Variants in PTPRB observed in about 807,000 individuals in gnomAD.
PTPRB encodes receptor-type tyrosine-protein phosphatase beta.
In PTPRB, 97 loss-of-function variants were observed where a neutral mutation model predicts 238.1. That is an observed-to-expected ratio of 0.41 (90% confidence interval 0.35 to 0.48). The LOEUF is 0.48. Among genes scored for constraint, PTPRB ranks in the 20% least tolerant of loss-of-function variants. The pLI, the probability that PTPRB is intolerant of heterozygous loss-of-function variation, is 0.30. For synonymous variants in PTPRB, 970 were observed against 995.4 expected (o/e 0.97, Z 0.48); for missense variants, 2,292 against 2,681.9 (o/e 0.85, Z 3.21).
chr12:70,549,819 A>G (rs564952913), intron 21 of PTPRB, among the ~76,000 whole-genome samples: 3 of 152,322 alleles, frequency 2.0e-5, no homozygotes, highest in Admixed American at 2.0e-4. Flanking sequence ...AAACATATAT[A>G]TTGGAGAAAT....
At chr12:70,559,160 T>G in intron 18 of PTPRB, 183 bp downstream of exon 18, 1 of 655,906 alleles carries the variant, frequency 1.5e-6, no homozygotes, top group Non-Finnish European at 2.6e-6. Flanking sequence ...AGAGAGAGAT[T>G]TATTGTCCCT....
intron 2 of PTPRB, among the ~76,000 whole-genome samples, chr12:70,633,470 C>G (rs117555829): frequency 6.6e-6 from 1 of 151,852 alleles, no homozygotes; most frequent in African/African-American, 2.4e-5. Flanking sequence ...AAAACAAAAA[C>G]AAAAAGAAAA....
chr12:70,566,242 CAG>C (rs1408578070), intron 15 of PTPRB, among the ~76,000 whole-genome samples, 191 bp downstream of exon 15: 1 of 152,076 alleles, frequency 6.6e-6, no homozygotes, highest in East Asian at 1.9e-4. Context: ...AAATCAGAAA[CAG>C]AGTGTGGTGG....
chr12:70,575,553 T>G (rs1461811011), intron 11 of PTPRB, among the ~76,000 whole-genome samples: 2 of 152,182 alleles, frequency 1.3e-5, no homozygotes, highest in African/African-American at 4.8e-5. Context: ...AAGTATTTAC[T>G]GAGTGCCTAC....
Position 70,563,082 on chromosome 12 carries a change from C to T in PTPRB, c.3930G>A (p.Arg1310=). ...RTVPAAVTDL[R]ITENSTRHLS... Reference sequence around the variant, plus strand: ...GGTGCCTGGTGGAGTTCTCTGTGATCCTCAGGTCGGTGACAGCTGCTGGGA... The same window carrying T: ...GGTGCCTGGTGGAGTTCTCTGTGATTCTCAGGTCGGTGACAGCTGCTGGGA... The change falls in exon 16 of 34, where the codon AGG becomes AGA. Residue 1310 remains arginine (R), a synonymous_variant. Coordinates refer to ENST00000334414, the MANE Select transcript of PTPRB (RefSeq NM_001109754.4). The T allele has an allele frequency of 6.2e-7, 1 of 1,613,280 alleles. No homozygotes were observed. Among genetic ancestry groups the T allele is most frequent in the African/African-American group, 1.3e-5 (1 of 74,986 alleles).
chr12:70,603,509 A>G lies in PTPRB; in HGVS notation c.979+5560T>C, dbSNP rs1883693919. Among the ~76,000 whole-genome samples the G allele has an allele frequency of 2.0e-5, 3 of 152,330 alleles. No individual in the cohort carries two copies. In the South Asian group the frequency reaches 6.2e-4, roughly 32 times the overall value. On this transcript the variant is annotated intron_variant, in intron 4 of 33. Transcript: ENST00000334414. The stretch of plus-strand genomic sequence containing the variant: ...AACTTAAAAATAATATACTTTTCGC[A>G]GAGTAGTGGAAAGAATACTGGAGTT...
chr12:70,539,237 GC>G (rs1312592766), intron 26 of PTPRB: 2 of 569,560 alleles, frequency 3.5e-6, no homozygotes, highest in Non-Finnish European at 6.2e-6. Context: ...TAACTGATGT[GC>G]CCCAGGTCAC....
intron 5 of PTPRB, among the ~76,000 whole-genome samples, chr12:70,595,273 G>A (rs748206421): frequency 1.6e-4 from 25 of 152,042 alleles, no homozygotes; most frequent in South Asian, 1.3e-3. Context: ...ACAGGGAGGG[G>A]AACATCACAC....
rs756418407 is a variant in PTPRB, at chr12:70,556,119, G to A, written c.4744C>T (p.Arg1582Trp). The change falls in exon 19 of 34, where the codon CGG becomes TGG. Residue 1582 changes from arginine (R) to tryptophan (W), a missense_variant. Physicochemically the swap from Arg to Trp is moderately radical, Grantham distance 101. This residue lies in a region of PTPRB where 683 missense variants were observed against 862.0 expected (regional missense o/e 0.79). Transcript: ENST00000334414. Reference sequence around the variant, plus strand: ...GCAATGGCCGTGGAGTTCTGAGGCCGGCAATGCAGGTTTTGTATCTTGTCA... The same window carrying A: ...GCAATGGCCGTGGAGTTCTGAGGCCAGCAATGCAGGTTTTGTATCTTGTCA... ...KPDKIQNLHC[R>W]PQNSTAIACS... The A allele has an allele frequency of 4.1e-5, 66 of 1,613,638 alleles. No individual in the cohort carries two copies. The East Asian group carries it at 8.0e-4, about 20-fold the overall frequency.
intron 13 of PTPRB, 108 bp downstream of exon 13, chr12:70,570,918 G>A (rs1592503959): frequency 2.5e-6 from 3 of 1,205,344 alleles, no homozygotes; most frequent in East Asian, 4.9e-5. Context: ...GTCCCTTCTT[G>A]CTGTCTCCCT....
In PTPRB at chr12:70,562,853, C is replaced by T. The variant is rs371733781; in HGVS notation, c.4159G>A (p.Gly1387Ser). 1.2e-6 allele frequency: 2 copies of T among 1,613,706 alleles called. No individual in the cohort carries two copies. The highest frequency in any genetic ancestry group is 2.7e-5 in the African/African-American group (2 of 74,904). ...GELSNESFIF[G>S]RTVPASVSHL... ...TGGGTCTTGGTCTTACCTGTTCTACCAAATATGAAAGACTCATTAGACAGC... is the reference window on the plus strand; with the variant it reads ...TGGGTCTTGGTCTTACCTGTTCTACTAAATATGAAAGACTCATTAGACAGC... The change falls in exon 16 of 34, where the codon GGT becomes AGT. Residue 1387 changes from glycine to serine, a missense_variant. Transcript: ENST00000334414.
intron 4 of PTPRB, among the ~76,000 whole-genome samples, chr12:70,607,033 T>G (rs996225714): frequency 6.6e-6 from 1 of 152,228 alleles, no homozygotes; most frequent in Non-Finnish European, 1.5e-5. Context: ...TGGATGCTGA[T>G]GAAGTCTTGT....
chr12:70,540,078 T>TA, intron 23 of PTPRB, 56 bp from the exon 24 acceptor site: 2 of 1,444,748 alleles, frequency 1.4e-6, no homozygotes, highest in South Asian at 2.4e-5. Context: ...CTTGAACAAA[T>TA]TTTTCCATTT....
At chr12:70,565,857 G>A (rs967796233) in intron 15 of PTPRB, among the ~76,000 whole-genome samples, 1 of 152,176 alleles carries the variant, frequency 6.6e-6, no homozygotes, top group Admixed American at 6.5e-5. Flanking sequence ...TGAGACGAAG[G>A]AATTATCCTG....
In PTPRB at chr12:70,576,578, C is replaced by G; in HGVS notation, c.2646G>C (p.Trp882Cys). The change falls in exon 11 of 34, where the codon TGG becomes TGC. Residue 882 changes from tryptophan to cysteine, a missense_variant. Transcript: ENST00000334414. The part of the protein sequence containing the change: ...SGRNDYLSVS[W>C]LLAPGDVDNY... The stretch of plus-strand genomic sequence containing the variant: ...TATCCACATCTCCGGGCGCCAGCAG[C>G]CAGGAAACGCTGAGGTAGTCATTAC... 6.5e-7 allele frequency: 1 copy of G among 1,547,640 alleles called. No homozygotes were observed. The highest frequency in any genetic ancestry group is 2.5e-5 in the East Asian group (1 of 40,766).
At chr12:70,603,005 A>C (rs968315298) in intron 4 of PTPRB, among the ~76,000 whole-genome samples, 3 of 151,918 alleles carry the variant, frequency 2.0e-5, no homozygotes, top group African/African-American at 7.3e-5. Context: ...GCAAACTGGC[A>C]TCTAGGAATG....
intron 29 of PTPRB, among the ~76,000 whole-genome samples, 194 bp from the exon 30 acceptor site, chr12:70,535,149 A>G (rs539888213): frequency 2.6e-4 from 39 of 150,870 alleles, no homozygotes; most frequent in African/African-American, 8.5e-4. Context: ...TGAAGGGGAG[A>G]GCCTGTACAA....
In PTPRB at chr12:70,594,462, C is replaced by A. The variant is rs754906305; in HGVS notation, c.1516+5G>T. On this transcript the variant is annotated splice_donor_5th_base_variant and intron_variant, in intron 6 of 33. Transcript: ENST00000334414. ...TTCTTCTTCAGCTAGCTAGGGGGAACTTACCTGTCCTGACTAGTTTCCACC... is the reference window on the plus strand; with the variant it reads ...TTCTTCTTCAGCTAGCTAGGGGGAAATTACCTGTCCTGACTAGTTTCCACC... 1 of 1,612,534 alleles carries A rather than the reference C, an allele frequency of 6.2e-7. No individual in the cohort carries two copies. Among genetic ancestry groups the A allele is most frequent in the Non-Finnish European group, 8.5e-7 (1 of 1,178,890 alleles).
At chr12:70,610,484 C>G (rs544823668) in intron 3 of PTPRB, among the ~76,000 whole-genome samples, 1 of 151,024 alleles carries the variant, frequency 6.6e-6, no homozygotes, top group East Asian at 2.0e-4. Context: ...CACTTTTTCC[C>G]AGGATTAAAC....
Sources: allele counts gnomAD v4.1 joint callset (sites outside exome capture counted in the v4.1 genomes callset), GRCh38; gene constraint gnomAD v4.1.1; regional missense constraint gnomAD v4.1.1; transcripts MANE v1.5; gene names NCBI Gene and HGNC (gene_info 2026-07-23, HGNC 2026-07-21).